CTNNA2: variants seen among roughly 807,000 people sequenced by gnomAD.
CTNNA2 encodes catenin alpha 2.
CTNNA2 carries 42 observed loss-of-function variants against 101.0 expected under a neutral mutation model. The observed-to-expected ratio is 0.42, with a 90% CI of 0.32 to 0.54. CTNNA2 has a LOEUF of 0.54. Among genes scored for constraint, CTNNA2 ranks in the 20% least tolerant of loss-of-function variants. The pLI, the probability that CTNNA2 is intolerant of heterozygous loss-of-function variation, is 0.14. For missense variants in CTNNA2, 871 were observed against 1,223.1 expected (o/e 0.71, Z 4.29); for synonymous variants, 450 against 456.4 (o/e 0.99, Z 0.18).
At chr2:79,519,267 A>G (rs1473129913) in intron 1 of CTNNA2, among the ~76,000 whole-genome samples, 1 of 151,672 alleles carries the variant, frequency 6.6e-6, no homozygotes, top group Non-Finnish European at 1.5e-5. Flanking sequence ...GGAAAAATAA[A>G]TCTGTGTCTA....
At chr2:79,842,968 C>T (rs1343207716) in intron 3 of CTNNA2, among the ~76,000 whole-genome samples, 1 of 152,190 alleles carries the variant, frequency 6.6e-6, no homozygotes, top group East Asian at 1.9e-4. Flanking sequence ...GAGATCCACA[C>T]AGAGTATGGC....
intron 9 of CTNNA2, among the ~76,000 whole-genome samples, chr2:80,527,196 G>A (rs1488848484): frequency 1.3e-5 from 2 of 152,220 alleles, no homozygotes; most frequent in East Asian, 3.9e-4. Flanking sequence ...CTTTCATAGA[G>A]TTGTAAGAAG....
chr2:80,134,260 AAGG>A (rs1262518138), intron 7 of CTNNA2, among the ~76,000 whole-genome samples: 1 of 152,144 alleles, frequency 6.6e-6, no homozygotes, highest in Non-Finnish European at 1.5e-5. Context: ...ACAGAGCAAG[AAGG>A]AGGCCTAAGA....
At chr2:80,581,016 A>AAAAC (rs5832459) in intron 13 of CTNNA2, among the ~76,000 whole-genome samples, 81,477 of 151,436 alleles carry the variant, frequency 0.54, 22,170 homozygotes, top group East Asian at 0.65. Flanking sequence ...ACCCTGTCTC[A>AAAAC]AAACAACAAA....
intron 4 of CTNNA2, among the ~76,000 whole-genome samples, chr2:79,867,444 T>C (rs1682220102): frequency 6.6e-6 from 1 of 152,138 alleles, no homozygotes; most frequent in Non-Finnish European, 1.5e-5. Context: ...ACTAGTAGTG[T>C]GTGCCCATAA....
intron 9 of CTNNA2, among the ~76,000 whole-genome samples, chr2:80,517,335 G>A (rs2149565453): frequency 6.6e-6 from 1 of 152,174 alleles, no homozygotes; most frequent in East Asian, 1.9e-4. Context: ...TGGGGAAGGT[G>A]GGGACCACGG....
chr2:79,568,898 A>T (rs1305837400), intron 1 of CTNNA2, among the ~76,000 whole-genome samples: 1 of 141,624 alleles, frequency 7.1e-6, no homozygotes. Context: ...GCCAGGCATG[A>T]TGGTATGTGC....
At chr2:80,531,294 G>T (rs536694202) in intron 9 of CTNNA2, among the ~76,000 whole-genome samples, 100 of 152,304 alleles carry the variant, frequency 6.6e-4, no homozygotes, top group African/African-American at 2.3e-3. Flanking sequence ...TTACCAAGGG[G>T]CCAATGAGGA....
intron 2 of CTNNA2, among the ~76,000 whole-genome samples, chr2:79,274,721 T>G (rs1675169062): frequency 6.6e-6 from 1 of 152,058 alleles, no homozygotes; most frequent in South Asian, 2.1e-4. Flanking sequence ...AACATCACTT[T>G]TAATGACTCC....
At chr2:80,604,626 T>C (rs903375933) in intron 16 of CTNNA2, among the ~76,000 whole-genome samples, 1 of 151,992 alleles carries the variant, frequency 6.6e-6, no homozygotes, top group African/African-American at 2.4e-5. Context: ...TTAAAAAATA[T>C]ATATTTATTA....
Position 80,014,705 on chromosome 2 carries a change from T to C in CTNNA2, c.1056+104908T>C, listed in dbSNP as rs1228499210. Among the ~76,000 whole-genome samples the C allele has an allele frequency of 3.3e-5, 5 of 152,198 alleles. 1 individual carries two copies. The South Asian group carries it at 6.2e-4, about 19-fold the overall frequency. ...TTTTTCTCTCTCCCTCTCTCACCCTTTTCTTCTTTCATAAATATTTGTCAA... is the reference window on the plus strand; with the variant it reads ...TTTTTCTCTCTCCCTCTCTCACCCTCTTCTTCTTTCATAAATATTTGTCAA... On this transcript the variant is annotated intron_variant, in intron 7 of 18. Transcript: ENST00000402739.
chr2:79,238,832 C>T (rs970144552), intron 2 of CTNNA2, among the ~76,000 whole-genome samples: 2 of 152,178 alleles, frequency 1.3e-5, no homozygotes, highest in African/African-American at 4.8e-5. Flanking sequence ...CCCCACATTA[C>T]AGATGAGAGG....
At chr2:79,587,357 A>T (rs1676562935) in intron 1 of CTNNA2, among the ~76,000 whole-genome samples, 1 of 152,126 alleles carries the variant, frequency 6.6e-6, no homozygotes, top group Non-Finnish European at 1.5e-5. Flanking sequence ...AAGCTGAGGC[A>T]CCGAGAAGTT....
intron 7 of CTNNA2, among the ~76,000 whole-genome samples, chr2:80,244,064 C>T (rs1299344533): frequency 6.6e-6 from 1 of 152,090 alleles, no homozygotes; most frequent in Non-Finnish European, 1.5e-5. Context: ...AAAACACAGA[C>T]CAAGGGATAT....
Position 80,348,227 on chromosome 2 carries a change from GTTAT to G in CTNNA2, c.1057-44983_1057-44980del, listed in dbSNP as rs1290967538. ...CTTCTTAATCACCAGAGACAAGTAA[GTTAT>G]CTATTTAGTTTACTGCTTTTTCTAT... On this transcript the variant is annotated intron_variant, in intron 7 of 18. Transcript: ENST00000402739. 3.3e-5 allele frequency among the ~76,000 whole-genome samples: 5 copies of G among 152,116 alleles called. No individual in the cohort carries two copies. In the East Asian group the frequency reaches 9.6e-4, roughly 29 times the overall value.
chr2:79,712,208 G>T (rs535221563), intron 2 of CTNNA2, among the ~76,000 whole-genome samples: 43 of 152,268 alleles, frequency 2.8e-4, no homozygotes, highest in Non-Finnish European at 5.6e-4. Context: ...GCTCAGAGAA[G>T]TTGAAAAACT....
intron 9 of CTNNA2, among the ~76,000 whole-genome samples, chr2:80,534,963 G>A (rs1329394385): frequency 6.6e-6 from 1 of 152,132 alleles, no homozygotes; most frequent in South Asian, 2.1e-4. Context: ...AACAACATTA[G>A]GGAATCTTAT....
At chr2:79,428,488 G>A (rs1678616498) in intron 4 of CTNNA2, among the ~76,000 whole-genome samples, 1 of 152,084 alleles carries the variant, frequency 6.6e-6, no homozygotes, top group African/African-American at 2.4e-5. Context: ...GGCAATTACA[G>A]ATCAAGTTCA....
intron 2 of CTNNA2, among the ~76,000 whole-genome samples, chr2:79,251,346 G>A (rs1674768857): frequency 6.6e-6 from 1 of 152,258 alleles, no homozygotes; most frequent in Admixed American, 6.5e-5. Context: ...CCATGAACCA[G>A]GAACAGCATG....
Sources: gnomAD v4.1 joint callset for allele counts (sites outside exome capture counted in the v4.1 genomes callset) on GRCh38, gnomAD v4.1.1 for gene constraint, MANE v1.5 for transcripts, NCBI Gene and HGNC (gene_info 2026-07-23, HGNC 2026-07-21) for gene names.